TCEA3: variants seen among roughly 807,000 people sequenced by gnomAD.
TCEA3 encodes the protein transcription elongation factor A3, also known as transcription elongation factor A protein 3.
TCEA3 carries 36 observed loss-of-function variants against 44.0 expected under a neutral mutation model. The observed-to-expected ratio is 0.82, with a 90% CI of 0.63 to 1.08. The LOEUF (loss-of-function observed/expected upper bound fraction) is 1.08, where lower values mean the gene tolerates loss of function less well. Ranked by LOEUF, TCEA3 falls within the 50% of genes least tolerant of loss-of-function variation. TCEA3 has a pLI of 0.00. For missense variants in TCEA3, 392 were observed against 441.2 expected (o/e 0.89, Z 1.00); for synonymous variants, 162 against 159.7 (o/e 1.01, Z -0.11).
chr1:23,417,572 G>A (rs1570291098), intron 3 of TCEA3, among the ~76,000 whole-genome samples, 182 bp from the exon 4 acceptor site: 1 of 152,210 alleles, frequency 6.6e-6, no homozygotes, highest in Non-Finnish European at 1.5e-5. Flanking sequence ...CAAATACACA[G>A]TCTCACATGG....
At chr1:23,381,849 A>G (rs1443546278) in intron 10 of TCEA3, among the ~76,000 whole-genome samples, 1 of 152,194 alleles carries the variant, frequency 6.6e-6, no homozygotes, top group African/African-American at 2.4e-5. Context: ...TGTTACCTCT[A>G]GTGGATCCTG....
At chr1:23,389,992 C>T (rs1440841354) in intron 8 of TCEA3, among the ~76,000 whole-genome samples, 2 of 152,126 alleles carry the variant, frequency 1.3e-5, no homozygotes, top group Admixed American at 6.5e-5. Context: ...GGTAGCCAAG[C>T]ATTTACACGA....
chr1:23,409,616 C>T (rs757340499), intron 4 of TCEA3, among the ~76,000 whole-genome samples: 19 of 151,986 alleles, frequency 1.3e-4, no homozygotes, highest in Admixed American at 4.6e-4. Context: ...GCTATCTCGG[C>T]GGCTCACTGC....
intron 4 of TCEA3, among the ~76,000 whole-genome samples, chr1:23,412,399 CAAAAA>C (rs1267820171): frequency 1.8e-5 from 1 of 55,630 alleles, no homozygotes; most frequent in Admixed American, 2.1e-4. Context: ...GACTCTGTCT[CAAAAA>C]AAAAAAAAAA....
At chr1:23,420,406 T>G (rs1184759032) in intron 1 of TCEA3, among the ~76,000 whole-genome samples, 1 of 152,208 alleles carries the variant, frequency 6.6e-6, no homozygotes, top group African/African-American at 2.4e-5. Flanking sequence ...CACATCTGGC[T>G]AATTTTTTGC....
At chr1:23,413,099 T>G (rs1396114784) in intron 4 of TCEA3, among the ~76,000 whole-genome samples, 1 of 152,180 alleles carries the variant, frequency 6.6e-6, no homozygotes, top group Non-Finnish European at 1.5e-5. Context: ...ATTTCAAATT[T>G]TATTAACAAA....
chr1:23,383,879 G>C lies in TCEA3; in HGVS notation c.1038+467C>G, dbSNP rs1406686605. The C allele has an allele frequency of 4.0e-6, 4 of 993,486 alleles. No homozygotes were observed. The African/African-American group carries it at 6.9e-5, about 17-fold the overall frequency. The allele number at this position is 993,486 out of a possible 1,614,324, so 61.5% of individuals were successfully genotyped here. A position where few individuals can be genotyped will look rare whatever the true frequency, so the allele number is the denominator to read the frequency against. ...GGGTAAGACTTTCAGAGCTTCCTTA[G>C]GAGGGAAGGATGGCCTGGTGGCATT... On this transcript the variant is annotated intron_variant, in intron 10 of 10. Coordinates refer to ENST00000450454, the MANE Select transcript of TCEA3 (RefSeq NM_003196.3).
intron 7 of TCEA3, among the ~76,000 whole-genome samples, chr1:23,395,597 G>A (rs1346002927): frequency 6.6e-6 from 1 of 152,132 alleles, no homozygotes; most frequent in East Asian, 1.9e-4. Context: ...AGGCTGAGGA[G>A]GGAGGATCAC....
chr1:23,414,832 T>C (rs1420247320), intron 4 of TCEA3, among the ~76,000 whole-genome samples: 1 of 152,176 alleles, frequency 6.6e-6, no homozygotes, highest in East Asian at 1.9e-4. Context: ...TAAAACATTT[T>C]ATTTTTAAGA....
chr1:23,411,795 T>A (rs887462555), intron 4 of TCEA3, among the ~76,000 whole-genome samples: 1 of 152,264 alleles, frequency 6.6e-6, no homozygotes, highest in African/African-American at 2.4e-5. Flanking sequence ...CTCCTTTCCC[T>A]GACTTCTTAA....
chr1:23,400,319 C>T (rs909340003), intron 5 of TCEA3, among the ~76,000 whole-genome samples: 5 of 151,648 alleles, frequency 3.3e-5, no homozygotes, highest in African/African-American at 4.9e-5. Context: ...AATCCTCCTG[C>T]CTCAGCCTCC....
rs766605399 is a variant in TCEA3 at position 23,387,223 on chromosome 1, A to G, written c.966+50T>C. 24 of 1,598,120 alleles carry G rather than the reference A, an allele frequency of 1.5e-5. No homozygotes were observed. In the African/African-American group the frequency reaches 2.3e-4, roughly 15 times the overall value. On this transcript the variant is annotated intron_variant, in intron 9 of 10. Coordinates refer to ENST00000450454, the MANE Select transcript of TCEA3 (RefSeq NM_003196.3). The stretch of plus-strand genomic sequence containing the variant: ...AGCTTCTCTCTGATTTTCCACCTCT[A>G]TGCCCCTGCGGCCTCCTGCACCTCC...
intron 5 of TCEA3, among the ~76,000 whole-genome samples, chr1:23,399,126 TTATATATATGTATATATGTATA>T (rs1426269986): frequency 4.1e-5 from 3 of 73,384 alleles, no homozygotes; most frequent in African/African-American, 1.2e-4. Flanking sequence ...CAGGTTTTGT[TTATATATATGTATATATGTATA>T]TATATATATA....
rs1162300227 is a variant in TCEA3, at chr1:23,417,165, T to A, written c.380+84A>T. ...ATATCTTCCTCCCCAGGATGAAAGG[T>A]TTAAATGAGATAATATACACTGAGT... On this transcript the variant is annotated intron_variant, in intron 4 of 10. Coordinates refer to ENST00000450454, the MANE Select transcript of TCEA3 (RefSeq NM_003196.3). 5 of 1,508,356 alleles carry A rather than the reference T, an allele frequency of 3.3e-6. No homozygotes were observed. In the Admixed American group the frequency reaches 1.0e-4, roughly 31 times the overall value. 93.4% of individuals were successfully genotyped at this position (1,508,356 alleles called of 1,614,324 possible).
chr1:23,412,708 C>CAA lies in TCEA3; in HGVS notation c.381-3984_381-3983dup, dbSNP rs11298848. On this transcript the variant is annotated intron_variant, in intron 4 of 10. Coordinates refer to ENST00000450454, the MANE Select transcript of TCEA3 (RefSeq NM_003196.3). ...GGGCAACAAGAGTGAAACTCCATCTCAAAAAAAAAAAAATTGTACAGTCTG... is the reference window on the plus strand; with the variant it reads ...GGGCAACAAGAGTGAAACTCCATCTCAAAAAAAAAAAAAAATTGTACAGTCTG... Among the ~76,000 whole-genome samples the CAA allele has an allele frequency of 5.3e-5, 7 of 131,442 alleles. No homozygotes were observed. The East Asian group carries it at 1.4e-3, about 27-fold the overall frequency. 86.2% of individuals were successfully genotyped at this position (131,442 alleles called of 152,430 possible). A position where few individuals can be genotyped will look rare whatever the true frequency, so the allele number is the denominator to read the frequency against.
intron 2 of TCEA3, among the ~76,000 whole-genome samples, chr1:23,418,839 A>G (rs1481868657): frequency 1.3e-5 from 2 of 151,966 alleles, no homozygotes; most frequent in East Asian, 3.9e-4. Context: ...AGAAAAGCGA[A>G]CCAGTCTTGC....
Position 23,399,136 on chromosome 1 carries a change from G to GTA in TCEA3, c.444-1183_444-1182dup, listed in dbSNP as rs1191975371. 8.9e-3 allele frequency among the ~76,000 whole-genome samples: 521 copies of GTA among 58,472 alleles called. 11 individuals carry two copies. The highest frequency in any genetic ancestry group is 0.018 in the African/African-American group (487 of 26,648). The allele number at this position is 58,472 out of a possible 152,430, so 38.4% of individuals were successfully genotyped here. On this transcript the variant is annotated intron_variant, in intron 5 of 10. Coordinates refer to ENST00000450454, the MANE Select transcript of TCEA3 (RefSeq NM_003196.3). ...TCATTCAGGTTTTGTTTATATATAT[G>GTA]TATATATGTATATATATATATATAT...
At chr1:23,414,659 C>A (rs1230438652) in intron 4 of TCEA3, among the ~76,000 whole-genome samples, 2 of 152,264 alleles carry the variant, frequency 1.3e-5, no homozygotes, top group Admixed American at 6.5e-5. Context: ...CCTCAGCCTC[C>A]CAAAGTGCTG....
At chr1:23,403,062 C>A (rs1000579563) in intron 5 of TCEA3, among the ~76,000 whole-genome samples, 21 of 151,330 alleles carry the variant, frequency 1.4e-4, no homozygotes, top group African/African-American at 4.2e-4. Flanking sequence ...CTCCCAGGAC[C>A]CAGGCAACGC....
Sources: gnomAD v4.1 joint callset for allele counts (sites outside exome capture counted in the v4.1 genomes callset) on GRCh38, gnomAD v4.1.1 for gene constraint, MANE v1.5 for transcripts, NCBI Gene and HGNC (gene_info 2026-07-23, HGNC 2026-07-21) for gene names.